Variants in LDLRAD4 observed in about 807,000 individuals in gnomAD.
LDLRAD4 encodes the protein low-density lipoprotein receptor class A domain-containing protein 4.
Under a neutral mutation model 17.0 loss-of-function variants are expected in LDLRAD4, and 5 were observed. The ratio of observed to expected loss-of-function variants is 0.29; its 90% confidence interval spans 0.15 to 0.62. The LOEUF is 0.62. LDLRAD4 is among the 20% of genes least tolerant of loss of function. The pLI, the probability that LDLRAD4 is intolerant of heterozygous loss-of-function variation, is 0.84. For synonymous variants in LDLRAD4, 168 were observed against 171.8 expected, an observed-to-expected ratio of 0.98 and a Z score of 0.17; for missense variants, 340 against 424.7, an observed-to-expected ratio of 0.80 and a Z score of 1.75.
At chr18:13,554,117 C>T (rs1438659851) in intron 3 of LDLRAD4, among the ~76,000 whole-genome samples, 1 of 152,162 alleles carries the variant, frequency 6.6e-6, no homozygotes, top group African/African-American at 2.4e-5. Context: ...TCCCTGGTTC[C>T]TGATACACAG....
Position 13,527,677 on chromosome 18 carries a change from G to A in LDLRAD4, c.181+89293G>A, listed in dbSNP as rs1409229759. On this transcript the variant is annotated intron_variant, in intron 3 of 5. Transcript: ENST00000359446. ...TGGAAGAGGCAGAAGAGAGAGCTCC[G>A]CTGGAGGGAGAAACGAGGCAGAGTG... Among the ~76,000 whole-genome samples, 6 of 152,310 alleles carry A rather than the reference G, an allele frequency of 3.9e-5. No homozygotes were observed. In the South Asian group the frequency reaches 8.3e-4, roughly 21 times the overall value.
chr18:13,377,493 C>T (rs774820088), intron 1 of LDLRAD4, among the ~76,000 whole-genome samples: 4 of 152,236 alleles, frequency 2.6e-5, no homozygotes, highest in African/African-American at 4.8e-5. Context: ...TAGGGTGGCA[C>T]GCGATTAACT....
intron 1 of LDLRAD4, among the ~76,000 whole-genome samples, chr18:13,325,485 C>A (rs1313782127): frequency 6.6e-6 from 1 of 152,210 alleles, no homozygotes; most frequent in Non-Finnish European, 1.5e-5. Context: ...CCTCCCCTCG[C>A]TGCCCGGCCT....
intron 2 of LDLRAD4, among the ~76,000 whole-genome samples, chr18:13,433,940 G>C (rs997308911): frequency 6.6e-6 from 1 of 152,126 alleles, no homozygotes; most frequent in Non-Finnish European, 1.5e-5. Context: ...CTCTCGATCC[G>C]ATGGAAATCT....
intron 1 of LDLRAD4, among the ~76,000 whole-genome samples, chr18:13,377,830 CAG>C (rs1312503449): frequency 2.0e-5 from 3 of 152,342 alleles, no homozygotes; most frequent in African/African-American, 4.8e-5. Context: ...CCAGACAACA[CAG>C]AGTCTCCCCT....
chr18:13,340,176 A>G (rs1357916897), intron 1 of LDLRAD4, among the ~76,000 whole-genome samples: 2 of 152,192 alleles, frequency 1.3e-5, no homozygotes, highest in East Asian at 1.9e-4. Context: ...CCATTGATGA[A>G]CACTTGGGTT....
intron 2 of LDLRAD4, among the ~76,000 whole-genome samples, chr18:13,427,054 T>C (rs1172247726): frequency 6.6e-6 from 1 of 151,998 alleles, no homozygotes; most frequent in Non-Finnish European, 1.5e-5. Context: ...GGCGTGGTGG[T>C]GCACACCTGT....
chr18:13,329,402 T>G (rs1297682495), intron 1 of LDLRAD4, among the ~76,000 whole-genome samples: 2 of 152,232 alleles, frequency 1.3e-5, no homozygotes, highest in Non-Finnish European at 2.9e-5. Context: ...ATTTTTATTA[T>G]GAGTGAGGTT....
chr18:13,532,700 G>A (rs932932014), intron 3 of LDLRAD4, among the ~76,000 whole-genome samples: 1 of 152,180 alleles, frequency 6.6e-6, no homozygotes, highest in Non-Finnish European at 1.5e-5. Context: ...CACCTTCATC[G>A]GACTTGGCAG....
At chr18:13,305,906 T>G (rs1265471477) in intron 1 of LDLRAD4, among the ~76,000 whole-genome samples, 1 of 152,070 alleles carries the variant, frequency 6.6e-6, no homozygotes, top group Admixed American at 6.6e-5. Context: ...CTAATAAGAT[T>G]TGAGAAAAAG....
chr18:13,369,587 C>T (rs1294827808), intron 1 of LDLRAD4, among the ~76,000 whole-genome samples: 5 of 152,040 alleles, frequency 3.3e-5, no homozygotes, highest in Admixed American at 6.5e-5. Flanking sequence ...ACAGGTGCCC[C>T]GGAGTGTACA....
chr18:13,504,232 C>G (rs1331997064), intron 3 of LDLRAD4, among the ~76,000 whole-genome samples: 1 of 152,184 alleles, frequency 6.6e-6, no homozygotes, highest in African/African-American at 2.4e-5. Flanking sequence ...TCAAACAAGA[C>G]AGTTCCCTGC....
intron 1 of LDLRAD4, among the ~76,000 whole-genome samples, chr18:13,347,907 T>C (rs2082790808): frequency 6.6e-6 from 1 of 152,244 alleles, no homozygotes; most frequent in South Asian, 2.1e-4. Flanking sequence ...TCTCGTGCCA[T>C]GGTTTTCAGC....
intron 3 of LDLRAD4, among the ~76,000 whole-genome samples, chr18:13,527,971 C>G (rs1434013569): frequency 1.3e-5 from 2 of 152,204 alleles, no homozygotes; most frequent in Non-Finnish European, 2.9e-5. Flanking sequence ...GCCTCCATTT[C>G]TCTGTCGGCT....
rs1251319360 is a variant in LDLRAD4 at position 13,262,460 on chromosome 18, C to CTG, written c.-466-15642_-466-15641dup. ...CGTGGAAACTGAGTCCCGTGCGGCT[C>CTG]TGTGCGTGGGGGCTGAGTCCCGTGC... On this transcript the variant is annotated intron_variant, in intron 1 of 5. Transcript: ENST00000399848. Among the ~76,000 whole-genome samples, 53 of 125,356 alleles carry CTG rather than the reference C, an allele frequency of 4.2e-4. 1 individual carries two copies. Among genetic ancestry groups the CTG allele is most frequent in the African/African-American group, 1.7e-3 (48 of 27,856 alleles). The allele number at this position is 125,356 out of a possible 152,430, so 82.2% of individuals were successfully genotyped here. A position where few individuals can be genotyped will look rare whatever the true frequency, so the allele number is the denominator to read the frequency against.
intron 2 of LDLRAD4, among the ~76,000 whole-genome samples, chr18:13,406,913 A>G (rs1413151686): frequency 5.3e-5 from 8 of 152,108 alleles, no homozygotes; most frequent in Non-Finnish European, 1.0e-4. Context: ...ACTTGAGTCC[A>G]TAACCTTTGT....
intron 3 of LDLRAD4, among the ~76,000 whole-genome samples, chr18:13,445,415 A>C (rs1026398662): frequency 6.6e-6 from 1 of 151,862 alleles, no homozygotes; most frequent in Non-Finnish European, 1.5e-5. Flanking sequence ...TGGTGTGTGC[A>C]TGCATGCGTG....
intron 1 of LDLRAD4, among the ~76,000 whole-genome samples, chr18:13,270,746 C>G (rs1475681616): frequency 6.6e-6 from 1 of 152,192 alleles, no homozygotes; most frequent in African/African-American, 2.4e-5. Flanking sequence ...GGCTAGAACT[C>G]TGCAGGAGCG....
chr18:13,609,706 C>T (rs562414509), intron 3 of LDLRAD4, among the ~76,000 whole-genome samples: 2 of 152,330 alleles, frequency 1.3e-5, no homozygotes, highest in East Asian at 1.9e-4. Context: ...GGCGTGGTGG[C>T]TCACACCTGT....
Sources: gnomAD v4.1 joint callset for allele counts (sites outside exome capture counted in the v4.1 genomes callset) on GRCh38, gnomAD v4.1.1 for gene constraint, MANE v1.5 for transcripts, NCBI Gene and HGNC (gene_info 2026-07-23, HGNC 2026-07-21) for gene names.